CSMD1: variants seen among roughly 807,000 people sequenced by gnomAD.
CSMD1 encodes CUB and sushi domain-containing protein 1.
A neutral mutation model predicts 417.5 loss-of-function variants in CSMD1; 213 were observed. The ratio of observed to expected loss-of-function variants is 0.51; its 90% confidence interval spans 0.46 to 0.57. The LOEUF (loss-of-function observed/expected upper bound fraction) is 0.57, where lower values mean the gene tolerates loss of function less well. Among genes scored for constraint, CSMD1 ranks in the 20% least tolerant of loss-of-function variants. CSMD1 has a pLI of 0.00. For missense variants in CSMD1, 6,923 were observed against 4,529.7 expected (o/e 1.53, Z -15.17); for synonymous variants, 2,862 against 1,736.8 (o/e 1.65, Z -16.11).
At chr8:3,421,623 T>A (rs542679377) in intron 12 of CSMD1, among the ~76,000 whole-genome samples, 1 of 152,294 alleles carries the variant, frequency 6.6e-6, no homozygotes, top group East Asian at 1.9e-4. Flanking sequence ...ATTTCTAAAT[T>A]ATAAATTCTA....
At chr8:3,117,479 T>C (rs1022873787) in intron 42 of CSMD1, among the ~76,000 whole-genome samples, 5 of 152,250 alleles carry the variant, frequency 3.3e-5, no homozygotes, top group African/African-American at 1.2e-4. Flanking sequence ...CCCCACAGGA[T>C]ACAAGTGCTT....
At chr8:3,935,793 T>G (rs1810454282) in intron 5 of CSMD1, among the ~76,000 whole-genome samples, 1 of 152,140 alleles carries the variant, frequency 6.6e-6, no homozygotes, top group Non-Finnish European at 1.5e-5. Context: ...AAGCCTACAG[T>G]GGCCTTTATG....
At chr8:2,941,435 G>T (rs920234305) in intron 69 of CSMD1, among the ~76,000 whole-genome samples, 5 of 152,158 alleles carry the variant, frequency 3.3e-5, no homozygotes, top group Non-Finnish European at 7.4e-5. Context: ...TATTTCAGGG[G>T]ATCATAATTT....
rs1441865924 is a variant in CSMD1, at chr8:3,375,317, G to A, written c.2783-5947C>T. 4 of 152,224 alleles carry A rather than the reference G, an allele frequency of 2.6e-5. No homozygotes were observed. In the East Asian group the frequency reaches 7.7e-4, roughly 29 times the overall value. 9.4% of individuals were successfully genotyped at this position (152,224 alleles called of 1,614,324 possible). ...TTATTTTTGTCTTATCAATTGCCTA[G>A]CCTCTGCAAGTCTGCCTCTTCCTCA... On this transcript the variant is annotated intron_variant, in intron 18 of 69. Transcript: ENST00000635120.
intron 2 of CSMD1, among the ~76,000 whole-genome samples, chr8:4,614,161 T>C (rs1051134102): frequency 6.6e-6 from 1 of 152,066 alleles, no homozygotes; most frequent in Non-Finnish European, 1.5e-5. Flanking sequence ...ATAATAATAA[T>C]AGTTATGCAT....
At chr8:4,012,640 C>T (rs868548824) in intron 4 of CSMD1, among the ~76,000 whole-genome samples, 1 of 152,056 alleles carries the variant, frequency 6.6e-6, no homozygotes, top group Non-Finnish European at 1.5e-5. Flanking sequence ...TCAGAGTGTC[C>T]ATCAGTTCCA....
At chr8:3,112,057 G>C (rs576312290) in intron 42 of CSMD1, among the ~76,000 whole-genome samples, 148 of 151,874 alleles carry the variant, frequency 9.7e-4, no homozygotes, top group African/African-American at 3.3e-3. Context: ...TAGAGGTCCA[G>C]GCTCTGCTCA....
At position 3,406,068 on chromosome 8, in the gene CSMD1, T is replaced by C; in HGVS notation, c.2225A>G (p.Asp742Gly). 2 of 1,613,896 alleles carry C rather than the reference T, an allele frequency of 1.2e-6. No individual in the cohort carries two copies. Among genetic ancestry groups the C allele is most frequent in the Non-Finnish European group, 8.5e-7 (1 of 1,179,872 alleles). ...GGTGGAGCTCCAGACCACGTTCCCG[T>C]CTTGCAGTATGCAGGTAATGGACTC... is the stretch of plus-strand genomic sequence containing the variant. Reference protein sequence around the residue: ...GSESITCILQDGNVVWSSTVP... With the variant: ...GSESITCILQGGNVVWSSTVP... The change falls in exon 15 of 70, where the codon GAC becomes GGC. Residue 742 changes from aspartate to glycine, a missense_variant. By Grantham distance (94) the Asp-to-Gly change is moderately conservative (BLOSUM62 -1). Coordinates refer to ENST00000635120, the MANE Select transcript of CSMD1 (RefSeq NM_033225.6).
chr8:3,012,755 T>C (rs1055089859), intron 52 of CSMD1, among the ~76,000 whole-genome samples: 2 of 152,172 alleles, frequency 1.3e-5, no homozygotes, highest in Non-Finnish European at 2.9e-5. Flanking sequence ...ATGTGGGGAT[T>C]TTTTATACTG....
intron 51 of CSMD1, among the ~76,000 whole-genome samples, chr8:3,024,618 T>C (rs1446424960): frequency 1.3e-5 from 2 of 152,186 alleles, no homozygotes; most frequent in South Asian, 4.1e-4. Flanking sequence ...ACATTTTAAG[T>C]TTTTAAAAAT....
intron 3 of CSMD1, among the ~76,000 whole-genome samples, chr8:4,302,628 T>C (rs1323281580): frequency 6.6e-6 from 1 of 152,202 alleles, no homozygotes; most frequent in Non-Finnish European, 1.5e-5. Context: ...TGTGTTTTTC[T>C]CTGACACAAA....
At chr8:4,488,559 G>C (rs919590575) in intron 2 of CSMD1, among the ~76,000 whole-genome samples, 1 of 152,000 alleles carries the variant, frequency 6.6e-6, no homozygotes, top group Admixed American at 6.6e-5. Flanking sequence ...CGGCAGCAGA[G>C]CCCCAAAAAT....
chr8:3,250,754 T>C (rs1446362984), intron 26 of CSMD1, among the ~76,000 whole-genome samples: 1 of 152,208 alleles, frequency 6.6e-6, no homozygotes, highest in Non-Finnish European at 1.5e-5. Context: ...TGATTGCCAT[T>C]CTAACTGGTG....
intron 3 of CSMD1, among the ~76,000 whole-genome samples, chr8:4,256,782 A>T (rs1803487792): frequency 6.6e-6 from 1 of 152,192 alleles, no homozygotes; most frequent in Non-Finnish European, 1.5e-5. Flanking sequence ...GCAGCTTGCA[A>T]CAGGGCCAAG....
intron 3 of CSMD1, among the ~76,000 whole-genome samples, chr8:4,152,955 G>T (rs1410015617): frequency 1.3e-5 from 2 of 152,078 alleles, no homozygotes; most frequent in South Asian, 2.1e-4. Flanking sequence ...TCTTAGAAAT[G>T]GTATTTGCCT....
chr8:3,512,604 T>C (rs1021555913), intron 10 of CSMD1, among the ~76,000 whole-genome samples: 33 of 149,868 alleles, frequency 2.2e-4, no homozygotes, highest in East Asian at 5.8e-4. Flanking sequence ...TTTTTTCTTT[T>C]TTTTTTTTTT....
intron 2 of CSMD1, among the ~76,000 whole-genome samples, chr8:4,585,837 G>A (rs11997765): frequency 0.27 from 41,489 of 151,862 alleles, 5,819 homozygotes; most frequent in African/African-American, 0.35. Flanking sequence ...TTTTCAGGTC[G>A]AATAAAAATT....
chr8:4,850,065 G>T (rs1316199474), intron 1 of CSMD1, among the ~76,000 whole-genome samples: 1 of 152,024 alleles, frequency 6.6e-6, no homozygotes, highest in Non-Finnish European at 1.5e-5. Flanking sequence ...TTTTATTCTT[G>T]CCATCCTGGT....
chr8:4,071,054 T>A (rs1799528954), intron 3 of CSMD1, among the ~76,000 whole-genome samples: 1 of 152,226 alleles, frequency 6.6e-6, no homozygotes, highest in African/African-American at 2.4e-5. Context: ...GCAGTTTGGC[T>A]GTGGTGTACA....
Sources: allele counts gnomAD v4.1 joint callset (sites outside exome capture counted in the v4.1 genomes callset), GRCh38; gene constraint gnomAD v4.1.1; transcripts MANE v1.5; gene names NCBI Gene and HGNC (gene_info 2026-07-23, HGNC 2026-07-21).